Variants in RFC3 observed in about 807,000 individuals in gnomAD.
The protein encoded by RFC3 is replication factor C subunit 3.
In RFC3, 41 loss-of-function variants were observed where a neutral mutation model predicts 45.1. That is an observed-to-expected ratio of 0.91 (90% CI 0.71 to 1.18). The LOEUF (loss-of-function observed/expected upper bound fraction) is 1.18. Among genes scored for constraint, RFC3 ranks in the 50% most tolerant of loss-of-function variants. The pLI is 0.00. For missense variants in RFC3, 423 were observed against 428.1 expected (o/e 0.99, Z 0.10); for synonymous variants, 149 against 144.0 (o/e 1.03, Z -0.25).
intron 8 of RFC3, among the ~76,000 whole-genome samples, chr13:33,877,723 TATATA>T (rs939975230): frequency 1.7e-4 from 25 of 148,480 alleles, no homozygotes; most frequent in Non-Finnish European, 2.7e-4. Context: ...TTATATATAA[TATATA>T]ATATATGGTG....
chr13:33,858,159 C>G (rs1460946616), intron 8 of RFC3, among the ~76,000 whole-genome samples: 8 of 152,106 alleles, frequency 5.3e-5, no homozygotes, highest in Admixed American at 5.2e-4. Context: ...GGATGACCAG[C>G]CTTAATCCAG....
chr13:33,841,545 A>C (rs1414989050), downstream of RFC3, among the ~76,000 whole-genome samples: 1 of 152,194 alleles, frequency 6.6e-6, no homozygotes, highest in African/African-American at 2.4e-5. Flanking sequence ...AGCTTATATA[A>C]TAATACAGTA....
intron 8 of RFC3, among the ~76,000 whole-genome samples, chr13:33,908,607 T>TAC (rs71074991): frequency 0.11 from 15,488 of 142,482 alleles, 998 homozygotes; most frequent in Admixed American, 0.2. Context: ...ACACAGGAGA[T>TAC]ACACACACAC....
chr13:33,959,885 G>A (rs372573256), intron 8 of RFC3, among the ~76,000 whole-genome samples: 57 of 152,292 alleles, frequency 3.7e-4, no homozygotes, highest in African/African-American at 1.3e-3. Flanking sequence ...TGTACAGGAA[G>A]CATAGCGCCG....
chr13:33,943,175 T>A (rs986066788), intron 8 of RFC3, among the ~76,000 whole-genome samples: 2 of 152,154 alleles, frequency 1.3e-5, no homozygotes, highest in African/African-American at 4.8e-5. Flanking sequence ...AGCCCTGCCT[T>A]AGATTCTGCA....
chr13:33,893,965 A>AAAC (rs2082580080), intron 8 of RFC3, among the ~76,000 whole-genome samples: 2 of 151,998 alleles, frequency 1.3e-5, no homozygotes, highest in African/African-American at 4.8e-5. Flanking sequence ...TGAAAGGAAA[A>AAAC]AAACAAACAA....
At chr13:33,960,205 TAACCAAAAAACAAACAAAACAAAAC>T (rs1296772857) in intron 8 of RFC3, among the ~76,000 whole-genome samples, 8 of 152,022 alleles carry the variant, frequency 5.3e-5, no homozygotes, top group Non-Finnish European at 1.2e-4. Flanking sequence ...ACTATATCAG[TAACCAAAAAACAAACAAAACAAAAC>T]AACCAAAAAA....
intron 8 of RFC3, among the ~76,000 whole-genome samples, chr13:33,888,041 A>G (rs1012308603): frequency 6.6e-6 from 1 of 152,112 alleles, no homozygotes; most frequent in South Asian, 2.1e-4. Flanking sequence ...GCCTTGTAGT[A>G]TAGTTTGAAG....
chr13:33,931,402 G>A (rs1033411390), intron 8 of RFC3, among the ~76,000 whole-genome samples: 30 of 152,092 alleles, frequency 2.0e-4, no homozygotes, highest in African/African-American at 7.0e-4. Flanking sequence ...TGTGGATACC[G>A]TGATGCTGAT....
At chr13:33,818,723 C>G (rs2081972215) in intron 1 of RFC3, among the ~76,000 whole-genome samples, 1 of 152,066 alleles carries the variant, frequency 6.6e-6, no homozygotes, top group African/African-American at 2.4e-5. Context: ...GCCGTTGGAG[C>G]ATTTTGAGCG....
intron 8 of RFC3, among the ~76,000 whole-genome samples, chr13:33,899,019 C>G (rs1017368299): frequency 1.3e-5 from 2 of 151,390 alleles, no homozygotes; most frequent in Non-Finnish European, 3.0e-5. Context: ...TAAAAAGTCT[C>G]CCATCAAATA....
intron 8 of RFC3, among the ~76,000 whole-genome samples, chr13:33,925,741 T>A (rs2082807715): frequency 6.7e-6 from 1 of 150,304 alleles, no homozygotes; most frequent in Non-Finnish European, 1.5e-5. Flanking sequence ...GTCAGTAGGG[T>A]GGAAATAGAA....
At chr13:33,961,449 T>C (rs2083056605) in intron 8 of RFC3, among the ~76,000 whole-genome samples, 1 of 152,244 alleles carries the variant, frequency 6.6e-6, no homozygotes, top group Non-Finnish European at 1.5e-5. Context: ...GCAGGAATCA[T>C]GGCCTCTTCT....
At chr13:33,879,826 G>A (rs2082471215) in intron 8 of RFC3, among the ~76,000 whole-genome samples, 1 of 152,186 alleles carries the variant, frequency 6.6e-6, no homozygotes, top group Non-Finnish European at 1.5e-5. Context: ...GCAGGGTTCT[G>A]TTCCTTTTTG....
chr13:33,887,488 T>C (rs2082533690), intron 8 of RFC3, among the ~76,000 whole-genome samples: 1 of 152,158 alleles, frequency 6.6e-6, no homozygotes, highest in South Asian at 2.1e-4. Context: ...TGTTGTTTGG[T>C]TTTTTCTTGT....
At chr13:33,913,860 G>A (rs537136748) in intron 8 of RFC3, among the ~76,000 whole-genome samples, 4 of 152,188 alleles carry the variant, frequency 2.6e-5, no homozygotes, top group Admixed American at 2.0e-4. Flanking sequence ...ACATATATGT[G>A]TATAGAACAT....
chr13:33,823,033 A>G (rs2082017252), intron 2 of RFC3, among the ~76,000 whole-genome samples: 1 of 152,198 alleles, frequency 6.6e-6, no homozygotes, highest in Admixed American at 6.5e-5. Context: ...GGAGAAAAAT[A>G]TAAGAGGCAT....
chr13:33,827,581 A>G (rs1433523339), intron 4 of RFC3, among the ~76,000 whole-genome samples: 1 of 152,204 alleles, frequency 6.6e-6, no homozygotes, highest in African/African-American at 2.4e-5. Context: ...TTTAAAAGTG[A>G]AATGTTGTAG....
At chr13:33,882,667 G>A (rs188604007) in intron 8 of RFC3, among the ~76,000 whole-genome samples, 40 of 152,304 alleles carry the variant, frequency 2.6e-4, no homozygotes, top group African/African-American at 9.6e-4. Flanking sequence ...AGAAGTAAAT[G>A]TTTGTGGTTT....
Sources: gnomAD v4.1 joint callset for allele counts (sites outside exome capture counted in the v4.1 genomes callset) on GRCh38, gnomAD v4.1.1 for gene constraint, MANE v1.5 for transcripts, NCBI Gene and HGNC (gene_info 2026-07-23, HGNC 2026-07-21) for gene names.